Variants in ZPBP observed in about 807,000 individuals in gnomAD.
The protein encoded by ZPBP is zona pellucida-binding protein 1.
ZPBP carries 26 observed loss-of-function variants against 44.8 expected under a neutral mutation model. The observed-to-expected ratio is 0.58, with a 90% CI of 0.43 to 0.81. The LOEUF is 0.81. ZPBP is among the 30% of genes least tolerant of loss of function. The pLI is 0.00. For synonymous variants in ZPBP, 174 were observed against 153.2 expected (o/e 1.14, Z -1.00); for missense variants, 409 against 434.0 (o/e 0.94, Z 0.51).
downstream of ZPBP, among the ~76,000 whole-genome samples, chr7:49,846,173 G>T (rs1789940060): frequency 6.6e-6 from 1 of 152,182 alleles, no homozygotes; most frequent in South Asian, 2.1e-4. Context: ...ACTAAGATAT[G>T]AATCCACCCC....
intron 6 of ZPBP, among the ~76,000 whole-genome samples, chr7:50,015,181 C>T (rs1798765878): frequency 6.6e-6 from 1 of 151,622 alleles, no homozygotes; most frequent in African/African-American, 2.4e-5. Context: ...GAAAGATAAA[C>T]ATATTGCATT....
chr7:50,029,450 C>T (rs1799492171), intron 5 of ZPBP, among the ~76,000 whole-genome samples: 1 of 151,934 alleles, frequency 6.6e-6, no homozygotes, highest in Admixed American at 6.6e-5. Context: ...GTACAAGAAA[C>T]ACAAGGAAAA....
chr7:50,013,744 T>C (rs1798687612), intron 6 of ZPBP, among the ~76,000 whole-genome samples: 1 of 152,068 alleles, frequency 6.6e-6, no homozygotes, highest in Non-Finnish European at 1.5e-5. Context: ...GATTACTTTC[T>C]GGGTTGTAAT....
intron 3 of ZPBP, among the ~76,000 whole-genome samples, chr7:50,059,615 G>C (rs1257849413): frequency 6.6e-6 from 1 of 152,094 alleles, no homozygotes; most frequent in Non-Finnish European, 1.5e-5. Flanking sequence ...ATGTAATAAA[G>C]GGTTCTCATG....
intron 5 of ZPBP, among the ~76,000 whole-genome samples, chr7:50,029,933 GA>G (rs1799524794): frequency 6.6e-6 from 1 of 152,186 alleles, no homozygotes; most frequent in Non-Finnish European, 1.5e-5. Flanking sequence ...TCGGCTCACT[GA>G]AACCTCAGCT....
intron 2 of ZPBP, among the ~76,000 whole-genome samples, chr7:49,874,006 G>GT (rs991469124): frequency 2.6e-5 from 4 of 151,412 alleles, no homozygotes; most frequent in Non-Finnish European, 4.4e-5. Flanking sequence ...TGTTTGGAGT[G>GT]TGTGTGTGTG....
chr7:50,014,244 AT>A (rs1425321001), intron 6 of ZPBP, among the ~76,000 whole-genome samples: 1 of 152,022 alleles, frequency 6.6e-6, no homozygotes, highest in African/African-American at 2.4e-5. Context: ...TTTTGAGAAA[AT>A]TGACATACAG....
chr7:49,872,915 CAAAAAAAAAAAAA>C (rs61473396), intron 2 of ZPBP, among the ~76,000 whole-genome samples: 1 of 33,946 alleles, frequency 2.9e-5, no homozygotes, highest in East Asian at 1.1e-3. Context: ...GACTTTGTCT[CAAAAAAAAAAAAA>C]AAAAAAAAAG....
At chr7:50,070,279 T>G (rs1442748738) in intron 3 of ZPBP, among the ~76,000 whole-genome samples, 1 of 151,976 alleles carries the variant, frequency 6.6e-6, no homozygotes, top group Non-Finnish European at 1.5e-5. Flanking sequence ...CACTCTGGGT[T>G]GGATTAGTGG....
rs1790537645 is a variant in ZPBP, at chr7:49,858,914, G to A, written n.510-8400C>T. 2.6e-5 allele frequency among the ~76,000 whole-genome samples: 4 copies of A among 152,074 alleles called. No homozygotes were observed. The South Asian group carries it at 8.3e-4, about 32-fold the overall frequency. On this transcript the variant is annotated intron_variant and non_coding_transcript_variant, in intron 2 of 2. Transcript: ENST00000465922. ...TCTCTTCCAGAGATTCATCCACATT[G>A]ACAAAGGTTGAAGGTATATTTATTT...
chr7:49,865,612 T>C (rs755363734), intron 2 of ZPBP, among the ~76,000 whole-genome samples: 1 of 152,200 alleles, frequency 6.6e-6, no homozygotes, highest in African/African-American at 2.4e-5. Flanking sequence ...AACTCCAATA[T>C]GCAAGTATTT....
chr7:50,035,534 T>C (rs1280980393), intron 4 of ZPBP, among the ~76,000 whole-genome samples: 1 of 152,150 alleles, frequency 6.6e-6, no homozygotes, highest in African/African-American at 2.4e-5. Context: ...AGACCATAAT[T>C]TGAGAACCAC....
rs962130480 is a variant in ZPBP, at chr7:49,875,311, A to G, written n.510-24797T>C. 3.7e-5 allele frequency among the ~76,000 whole-genome samples: 5 copies of G among 135,188 alleles called. No homozygotes were observed. In the East Asian group the frequency reaches 1.2e-3, roughly 31 times the overall value. The allele number at this position is 135,188 out of a possible 152,430, so 88.7% of individuals were successfully genotyped here. On this transcript the variant is annotated intron_variant and non_coding_transcript_variant, in intron 2 of 2. Transcript: ENST00000465922. ...CCTGAACCCAGGAGATGGAGGTTGC[A>G]GTGAGCCAAGATCACACCACTGCTC...
At chr7:50,025,649 G>A (rs1584068796) in intron 5 of ZPBP, among the ~76,000 whole-genome samples, 1 of 151,814 alleles carries the variant, frequency 6.6e-6, no homozygotes, top group East Asian at 1.9e-4. Context: ...AGACATCTTT[G>A]TAAAATACAC....
At chr7:49,869,900 T>C (rs371285120) in intron 2 of ZPBP, among the ~76,000 whole-genome samples, 8 of 152,282 alleles carry the variant, frequency 5.3e-5, no homozygotes, top group South Asian at 2.1e-4. Context: ...GGCCTATTCA[T>C]ACAGCAGATG....
At chr7:50,051,456 T>C (rs1259907337) in intron 4 of ZPBP, among the ~76,000 whole-genome samples, 1 of 152,126 alleles carries the variant, frequency 6.6e-6, no homozygotes, top group Non-Finnish European at 1.5e-5. Flanking sequence ...GAAATATAAA[T>C]CATTCTGTTA....
At chr7:49,888,138 G>A (rs901870142) in intron 2 of ZPBP, among the ~76,000 whole-genome samples, 2 of 152,168 alleles carry the variant, frequency 1.3e-5, no homozygotes, top group African/African-American at 4.8e-5. Flanking sequence ...AATTGGCCTT[G>A]GTGGAAGTAG....
intron 2 of ZPBP, among the ~76,000 whole-genome samples, chr7:49,879,097 G>A (rs552310760): frequency 6.6e-6 from 1 of 152,130 alleles, no homozygotes; most frequent in South Asian, 2.1e-4. Flanking sequence ...ATCCTCAAAG[G>A]TCTCTGCTTT....
At chr7:49,928,271 T>C (rs1562781053) in intron 1 of ZPBP, among the ~76,000 whole-genome samples, 1 of 152,234 alleles carries the variant, frequency 6.6e-6, no homozygotes, top group African/African-American at 2.4e-5. Context: ...CTATGTGCTG[T>C]GTGCTTGTTT....
Sources: gnomAD v4.1 joint callset for allele counts (sites outside exome capture counted in the v4.1 genomes callset) on GRCh38, gnomAD v4.1.1 for gene constraint, MANE v1.5 for transcripts, NCBI Gene and HGNC (gene_info 2026-07-23, HGNC 2026-07-21) for gene names.